The following HS6ST3 variants were observed in gnomAD, a reference collection of about 807,000 sequenced individuals.
HS6ST3 encodes heparan sulfate 6-O-sulfotransferase 3.
A neutral mutation model predicts 36.7 loss-of-function variants in HS6ST3; 12 were observed. The observed-to-expected ratio is 0.33, with a 90% CI of 0.21 to 0.53. The LOEUF (loss-of-function observed/expected upper bound fraction) is 0.53. HS6ST3 is among the 20% of genes least tolerant of loss of function. The pLI is 0.95. For synonymous variants in HS6ST3, 240 were observed against 257.5 expected (o/e 0.93, Z 0.65); for missense variants, 584 against 640.9 (o/e 0.91, Z 0.96).
At chr13:96,149,513 G>A (rs911464188) in intron 1 of HS6ST3, among the ~76,000 whole-genome samples, 2 of 152,136 alleles carry the variant, frequency 1.3e-5, no homozygotes, top group African/African-American at 4.8e-5. Flanking sequence ...AGTGAGAAAA[G>A]CCAAGTTGTT....
intron 1 of HS6ST3, among the ~76,000 whole-genome samples, chr13:96,211,438 A>G (rs547881398): frequency 6.6e-6 from 1 of 152,288 alleles, no homozygotes; most frequent in South Asian, 2.1e-4. Context: ...TACAATGTTC[A>G]GCTTGCACTT....
intron 1 of HS6ST3, among the ~76,000 whole-genome samples, chr13:96,295,543 A>C (rs1004834910): frequency 1.3e-5 from 2 of 152,130 alleles, no homozygotes; most frequent in African/African-American, 4.8e-5. Flanking sequence ...TCTTTAAAAA[A>C]TAGTGCTGAG....
At chr13:96,659,073 A>C (rs532213596) in intron 1 of HS6ST3, among the ~76,000 whole-genome samples, 1 of 152,338 alleles carries the variant, frequency 6.6e-6, no homozygotes, top group Admixed American at 6.5e-5. Context: ...GAGGAAAAAT[A>C]TATGTAGCTT....
intron 1 of HS6ST3, among the ~76,000 whole-genome samples, chr13:96,111,168 G>C (rs373167114): frequency 2.0e-4 from 30 of 152,166 alleles, no homozygotes; most frequent in African/African-American, 7.0e-4. Flanking sequence ...AAAGGGGGTA[G>C]ATTTACAATG....
chr13:96,389,023 T>C (rs1338148446), intron 1 of HS6ST3, among the ~76,000 whole-genome samples: 1 of 152,182 alleles, frequency 6.6e-6, no homozygotes, highest in African/African-American at 2.4e-5. Context: ...TGGAAAAACA[T>C]TGTAGAAATC....
At chr13:96,812,477 T>A (rs1878337084) in intron 1 of HS6ST3, among the ~76,000 whole-genome samples, 1 of 152,156 alleles carries the variant, frequency 6.6e-6, no homozygotes, top group Non-Finnish European at 1.5e-5. Context: ...CACACCAATG[T>A]AGACATGTTA....
At chr13:96,517,828 C>T (rs1430982758) in intron 1 of HS6ST3, among the ~76,000 whole-genome samples, 1 of 152,080 alleles carries the variant, frequency 6.6e-6, no homozygotes, top group Non-Finnish European at 1.5e-5. Flanking sequence ...ATTTAGCTCC[C>T]TCTTATAAGT....
chr13:96,671,466 G>A (rs1160291748), intron 1 of HS6ST3, among the ~76,000 whole-genome samples: 1 of 152,130 alleles, frequency 6.6e-6, no homozygotes, highest in Admixed American at 6.5e-5. Context: ...TAAATCAGTT[G>A]CCAAGTATAT....
chr13:96,507,274 G>A (rs1255346620), intron 1 of HS6ST3, among the ~76,000 whole-genome samples: 1 of 152,070 alleles, frequency 6.6e-6, no homozygotes, highest in Non-Finnish European at 1.5e-5. Context: ...ATGTGAAATG[G>A]AATGATGTAT....
intron 1 of HS6ST3, among the ~76,000 whole-genome samples, chr13:96,520,581 A>C (rs972415501): frequency 3.3e-5 from 5 of 152,108 alleles, no homozygotes; most frequent in Non-Finnish European, 5.9e-5. Flanking sequence ...ATCCCTTGTA[A>C]GTTGCATTCC....
intron 1 of HS6ST3, among the ~76,000 whole-genome samples, chr13:96,415,291 G>A (rs571843445): frequency 3.9e-5 from 6 of 152,250 alleles, no homozygotes; most frequent in South Asian, 2.1e-4. Flanking sequence ...ATCTTACTCC[G>A]TTGCCGGTGA....
intron 1 of HS6ST3, among the ~76,000 whole-genome samples, chr13:96,587,869 T>A (rs1024748770): frequency 1.1e-4 from 16 of 152,206 alleles, no homozygotes; most frequent in Non-Finnish European, 1.5e-5. Context: ...CAATATTAAT[T>A]TTTCTAAGCT....
chr13:96,610,858 A>AAAAAAAC (rs1208204474), intron 1 of HS6ST3, among the ~76,000 whole-genome samples: 3 of 151,524 alleles, frequency 2.0e-5, no homozygotes, highest in African/African-American at 7.3e-5. Context: ...AAAATGAAAA[A>AAAAAAAC]AAAAAACAAA....
intron 1 of HS6ST3, among the ~76,000 whole-genome samples, chr13:96,537,336 A>T (rs2056159926): frequency 1.3e-5 from 2 of 152,154 alleles, no homozygotes; most frequent in South Asian, 2.1e-4. Context: ...CTCCCACAAC[A>T]TGTGGGAATT....
chr13:96,540,385 C>A (rs929521169), intron 1 of HS6ST3, among the ~76,000 whole-genome samples: 5 of 152,114 alleles, frequency 3.3e-5, no homozygotes, highest in Admixed American at 2.0e-4. Context: ...TTATCATAAG[C>A]TTGTGAATGT....
chr13:96,719,845 A>T (rs577719734), intron 1 of HS6ST3, among the ~76,000 whole-genome samples: 1 of 152,216 alleles, frequency 6.6e-6, no homozygotes, highest in African/African-American at 2.4e-5. Flanking sequence ...CACACTCTTG[A>T]CTGCCTTGAG....
chr13:96,266,403 G>A (rs2054692649), intron 1 of HS6ST3, among the ~76,000 whole-genome samples: 1 of 152,126 alleles, frequency 6.6e-6, no homozygotes, highest in South Asian at 2.1e-4. Flanking sequence ...AGATTACCTG[G>A]GACAGAGGTC....
chr13:96,698,216 C>T (rs766124551), intron 1 of HS6ST3, among the ~76,000 whole-genome samples: 49 of 152,054 alleles, frequency 3.2e-4, no homozygotes, highest in Non-Finnish European at 3.7e-4. Context: ...CCACAACAGG[C>T]CCCGGTGTGT....
intron 1 of HS6ST3, among the ~76,000 whole-genome samples, chr13:96,183,110 C>A (rs993141344): frequency 2.0e-5 from 3 of 152,180 alleles, no homozygotes; most frequent in African/African-American, 7.2e-5. Flanking sequence ...TAATAACAAT[C>A]ATTTTCATAA....
Sources: allele counts gnomAD v4.1 joint callset (sites outside exome capture counted in the v4.1 genomes callset), GRCh38; gene constraint gnomAD v4.1.1; transcripts MANE v1.5; gene names NCBI Gene and HGNC (gene_info 2026-07-23, HGNC 2026-07-21).